The following AVL9 variants were observed in gnomAD, a reference collection of about 807,000 sequenced individuals.
The protein encoded by AVL9 is late secretory pathway protein AVL9 homolog.
Under a neutral mutation model 79.2 loss-of-function variants are expected in AVL9, and 49 were observed. The ratio of observed to expected loss-of-function variants is 0.62; its 90% CI spans 0.49 to 0.79. AVL9 has a LOEUF of 0.79. Ranked by LOEUF, AVL9 falls within the 30% of genes least tolerant of loss-of-function variation. The pLI, the probability that AVL9 is intolerant of heterozygous loss-of-function variation, is 0.00. For synonymous variants in AVL9, 299 were observed against 280.6 expected (o/e 1.07, Z -0.65); for missense variants, 682 against 776.8 (o/e 0.88, Z 1.45).
intron 1 of AVL9, among the ~76,000 whole-genome samples, chr7:32,541,313 A>G (rs1046170798): frequency 6.2e-4 from 94 of 150,776 alleles, no homozygotes; most frequent in Admixed American, 4.4e-3. Flanking sequence ...ATTTAAAACC[A>G]TGTTTATTTC....
At chr7:32,499,893 A>G (rs1010523183) in intron 1 of AVL9, among the ~76,000 whole-genome samples, 1 of 152,088 alleles carries the variant, frequency 6.6e-6, no homozygotes, top group Non-Finnish European at 1.5e-5. Context: ...GATGGTTTCC[A>G]GCTTCATCCA....
intron 1 of AVL9, among the ~76,000 whole-genome samples, chr7:32,542,315 G>A (rs537808934): frequency 1.3e-5 from 2 of 150,694 alleles, no homozygotes; most frequent in East Asian, 3.9e-4. Flanking sequence ...CAGGGCAGGC[G>A]GATTACCTTA....
intron 1 of AVL9, chr7:32,537,253 C>G (rs533409463): frequency 6.6e-6 from 1 of 152,092 alleles, no homozygotes; most frequent in Non-Finnish European, 1.5e-5. Context: ...ACAAAAGATG[C>G]TCCTATTACT....
intron 1 of AVL9, among the ~76,000 whole-genome samples, chr7:32,514,059 C>T (rs574260831): frequency 1.6e-4 from 25 of 152,306 alleles, no homozygotes; most frequent in African/African-American, 4.6e-4. Flanking sequence ...AATGTACGCT[C>T]GGTTTTACAC....
chr7:32,503,373 T>TATATAGATATAGAGAGATATACAC (rs1554332720), intron 1 of AVL9, among the ~76,000 whole-genome samples: 1 of 105,798 alleles, frequency 9.5e-6, no homozygotes, highest in Admixed American at 1.2e-4. Context: ...TATATATATA[T>TATATAGATATAGAGAGATATACAC]ACACACACAC....
At chr7:32,582,981 G>A (rs528089515) in intron 15 of AVL9, among the ~76,000 whole-genome samples, 65 of 152,256 alleles carry the variant, frequency 4.3e-4, no homozygotes, top group African/African-American at 1.3e-3. Flanking sequence ...ACCATGCCTG[G>A]CCTAACATCA....
In AVL9 at chr7:32,546,828, T is replaced by TA. The variant is rs60515780; in HGVS notation, c.301-2011dup. Among the ~76,000 whole-genome samples the TA allele has an allele frequency of 3.6e-3, 541 of 151,040 alleles. 1 individual carries two copies. The highest frequency in any genetic ancestry group is 0.017 in the Middle Eastern group (5 of 288). ...GCAGAGCGAGACTCCCTCAAAAAAA[T>TA]AAAAAAAATAAAAAATAAAAAGATA... On this transcript the variant is annotated intron_variant, in intron 3 of 15. Coordinates refer to ENST00000318709, the MANE Select transcript of AVL9 (RefSeq NM_015060.3).
chr7:32,511,379 A>G (rs1787664832), intron 1 of AVL9, among the ~76,000 whole-genome samples: 2 of 150,962 alleles, frequency 1.3e-5, no homozygotes, highest in Admixed American at 1.3e-4. Context: ...GTATGAGGAA[A>G]GCAATCTCTC....
chr7:32,575,419 G>C (rs781703155), intron 12 of AVL9, among the ~76,000 whole-genome samples: 7 of 152,064 alleles, frequency 4.6e-5, no homozygotes, highest in Non-Finnish European at 8.8e-5. Context: ...GTTTTTGACA[G>C]TGAAATGCTA....
intron 1 of AVL9, chr7:32,537,425 A>G (rs1788961230): frequency 6.6e-6 from 1 of 151,932 alleles, no homozygotes; most frequent in Non-Finnish European, 1.5e-5. Context: ...TTGATATTAA[A>G]ATAATGAAAT....
chr7:32,560,263 A>C (rs1196036989), intron 10 of AVL9, among the ~76,000 whole-genome samples: 1 of 68,868 alleles, frequency 1.5e-5, no homozygotes, highest in Admixed American at 2.1e-4. Context: ...TTATTTTAAA[A>C]AAACAACAAA....
chr7:32,516,979 C>A (rs565916849), intron 1 of AVL9, among the ~76,000 whole-genome samples: 1 of 152,160 alleles, frequency 6.6e-6, no homozygotes, highest in African/African-American at 2.4e-5. Flanking sequence ...TTATCTATCT[C>A]TTTCTTTTCT....
At chr7:32,573,167 C>A in intron 11 of AVL9, 32 bp from the exon 12 acceptor site, 1 of 1,585,274 alleles carries the variant, frequency 6.3e-7, no homozygotes, top group African/African-American at 1.3e-5. Flanking sequence ...CGTGAATGCC[C>A]AGACTCTGAC....
chr7:32,514,184 C>G (rs977468824), intron 1 of AVL9, among the ~76,000 whole-genome samples: 3 of 152,068 alleles, frequency 2.0e-5, no homozygotes, highest in Admixed American at 6.5e-5. Context: ...TTACAGGTGT[C>G]GGGCTGAGGG....
intron 12 of AVL9, among the ~76,000 whole-genome samples, chr7:32,575,248 G>A (rs902412738): frequency 2.0e-5 from 3 of 151,948 alleles, no homozygotes; most frequent in African/African-American, 7.3e-5. Context: ...ACAGGTACCC[G>A]CCACCACGCC....
At chr7:32,543,071 T>C in intron 1 of AVL9, 70 bp from the exon 2 acceptor site, 1 of 1,590,456 alleles carries the variant, frequency 6.3e-7, no homozygotes, top group Non-Finnish European at 8.6e-7. Context: ...TTTAAAAGCA[T>C]TTTTACCTAT....
At chr7:32,545,816 T>G (rs1789469294) in intron 3 of AVL9, among the ~76,000 whole-genome samples, 1 of 152,192 alleles carries the variant, frequency 6.6e-6, no homozygotes. Flanking sequence ...AGTAAAAAGC[T>G]CTTTCCTCTC....
intron 1 of AVL9, among the ~76,000 whole-genome samples, chr7:32,502,307 C>CGAA (rs1787162012): frequency 1.3e-5 from 2 of 149,250 alleles, no homozygotes; most frequent in Non-Finnish European, 3.0e-5. Flanking sequence ...GCAGGAGTAT[C>CGAA]ACTTGAGCCC....
chr7:32,551,778 C>T (rs758089158), intron 5 of AVL9, among the ~76,000 whole-genome samples: 6 of 151,686 alleles, frequency 4.0e-5, no homozygotes, highest in Non-Finnish European at 8.8e-5. Flanking sequence ...TCCTAGTTCC[C>T]AATACATAGA....
Sources: allele counts gnomAD v4.1 joint callset (sites outside exome capture counted in the v4.1 genomes callset), GRCh38; gene constraint gnomAD v4.1.1; transcripts MANE v1.5; gene names NCBI Gene and HGNC (gene_info 2026-07-23, HGNC 2026-07-21).